VPS53: variants seen among roughly 807,000 people sequenced by gnomAD.
VPS53 encodes vacuolar protein sorting-associated protein 53 homolog.
A neutral mutation model predicts 107.0 loss-of-function variants in VPS53; 70 were observed. The observed-to-expected ratio is 0.65, with a 90% CI of 0.54 to 0.80. VPS53 has a LOEUF of 0.80. Ranked by LOEUF, VPS53 falls within the 30% of genes least tolerant of loss-of-function variation. The probability of loss-of-function intolerance (pLI) is 0.00; values close to 1 mark genes in which losing one functional copy is unlikely to be tolerated. For missense variants in VPS53, 917 were observed against 1,049.4 expected (o/e 0.87, Z 1.74); for synonymous variants, 409 against 393.3 (o/e 1.04, Z -0.47).
intron 5 of VPS53, among the ~76,000 whole-genome samples, chr17:658,646 C>A (rs926436432): frequency 6.8e-6 from 1 of 147,116 alleles, no homozygotes; most frequent in Non-Finnish European, 1.5e-5. Context: ...AAGTGAGATA[C>A]TCGGCCGTGA....
chr17:653,888 G>T (rs1472671397), intron 6 of VPS53, among the ~76,000 whole-genome samples: 1 of 152,340 alleles, frequency 6.6e-6, no homozygotes, highest in East Asian at 1.9e-4. Flanking sequence ...CAGGCGCGGT[G>T]GCTCAGCCTG....
chr17:677,137 G>GT (rs1205414108), intron 4 of VPS53, among the ~76,000 whole-genome samples: 1 of 152,108 alleles, frequency 6.6e-6, no homozygotes, highest in Admixed American at 6.6e-5. Context: ...ACTCAAACAG[G>GT]TATTTGTATG....
At chr17:657,269 G>A (rs1952755753) in intron 5 of VPS53, 1 of 888,894 alleles carries the variant, frequency 1.1e-6, no homozygotes, top group Non-Finnish European at 1.8e-6. Context: ...TGGTGTCACG[G>A]ATCAGATGGA....
chr17:544,896 A>G (rs1452699946), intron 17 of VPS53, among the ~76,000 whole-genome samples: 2 of 152,122 alleles, frequency 1.3e-5, no homozygotes, highest in Non-Finnish European at 2.9e-5. Flanking sequence ...CCTGGGCAAC[A>G]TAGCAAGACC....
chr17:610,846 G>A (rs1336191302), intron 11 of VPS53, among the ~76,000 whole-genome samples: 4 of 150,882 alleles, frequency 2.7e-5, no homozygotes, highest in Non-Finnish European at 4.4e-5. Flanking sequence ...ACTGAGGTCC[G>A]AGAATTGCTT....
At chr17:580,716 A>C (rs180711972) in intron 13 of VPS53, among the ~76,000 whole-genome samples, 29 of 150,706 alleles carry the variant, frequency 1.9e-4, no homozygotes, top group Non-Finnish European at 4.1e-4. Context: ...CTCAGAATCT[A>C]ATGCGTTCGC....
chr17:535,721 C>T (rs1012000448), intron 18 of VPS53, among the ~76,000 whole-genome samples: 2 of 152,276 alleles, frequency 1.3e-5, no homozygotes, highest in East Asian at 3.9e-4. Context: ...TAATGAGCAC[C>T]CAGAGAGTGA....
intron 19 of VPS53, chr17:522,789 A>G (rs901620920): frequency 6.6e-6 from 1 of 152,226 alleles, no homozygotes; most frequent in African/African-American, 2.4e-5. Flanking sequence ...ATAGTCCTAA[A>G]GGCTCACTGA....
intron 7 of VPS53, among the ~76,000 whole-genome samples, chr17:635,281 A>G (rs545433612): frequency 6.6e-6 from 1 of 152,298 alleles, no homozygotes; most frequent in African/African-American, 2.4e-5. Flanking sequence ...AGTTATTTAT[A>G]GATTCTGGAT....
In VPS53 at chr17:519,497, G is replaced by A. The variant is rs769841353; in HGVS notation, c.2329-199C>T. Among the ~76,000 whole-genome samples the A allele has an allele frequency of 5.3e-5, 8 of 152,192 alleles. No homozygotes were observed. Among genetic ancestry groups the A allele is most frequent in the Non-Finnish European group, 5.9e-5 (4 of 68,036 alleles). The stretch of plus-strand genomic sequence containing the variant: ...GGAGGAAAAGAGAGGGGAAGAAAAG[G>A]TAAAGGAAGGGAAAGAAGCGGCTGA... On this transcript the variant is annotated intron_variant, in intron 21 of 21. Coordinates refer to ENST00000437048, the MANE Select transcript of VPS53 (RefSeq NM_001128159.3). The surrounding 1 kb of genome is among the most constrained non-coding windows in gnomAD (Gnocchi z 5.0).
chr17:648,798 A>G (rs1970812590), intron 7 of VPS53, among the ~76,000 whole-genome samples: 1 of 138,302 alleles, frequency 7.2e-6, no homozygotes, highest in African/African-American at 2.6e-5. Flanking sequence ...GGACAGAGGA[A>G]TGGAACAGGT....
chr17:583,305 C>G (rs1251804140), intron 13 of VPS53, among the ~76,000 whole-genome samples: 1 of 148,044 alleles, frequency 6.8e-6, no homozygotes, highest in Non-Finnish European at 1.5e-5. Flanking sequence ...CCCAGAGAAC[C>G]TCCCTGAGGA....
At chr17:651,133 T>C (rs1233676988) in intron 7 of VPS53, among the ~76,000 whole-genome samples, 1 of 152,164 alleles carries the variant, frequency 6.6e-6, no homozygotes, top group Non-Finnish European at 1.5e-5. Flanking sequence ...TACAGATTTA[T>C]GTAAATACAC....
At chr17:547,393 A>G (rs1319743523) in intron 17 of VPS53, among the ~76,000 whole-genome samples, 3 of 152,150 alleles carry the variant, frequency 2.0e-5, no homozygotes, top group African/African-American at 7.2e-5. Context: ...TGCCCTGAAA[A>G]CACTACGCTA....
intron 13 of VPS53, among the ~76,000 whole-genome samples, chr17:580,955 T>C (rs1387579079): frequency 6.6e-6 from 1 of 150,584 alleles, no homozygotes; most frequent in Non-Finnish European, 1.5e-5. Flanking sequence ...CCAGAGAACC[T>C]CCCACAGAAC....
chr17:632,872 A>C (rs894791261), intron 7 of VPS53: 1 of 423,926 alleles, frequency 2.4e-6, no homozygotes, highest in Middle Eastern at 3.4e-4. Flanking sequence ...AAGCTCGTTA[A>C]GTTTTTAAAC....
intron 5 of VPS53, among the ~76,000 whole-genome samples, chr17:658,215 C>G (rs1971282078): frequency 4.8e-5 from 4 of 83,438 alleles, no homozygotes; most frequent in Admixed American, 4.4e-4. Context: ...TAGATACATC[C>G]CATTGAAGTG....
At chr17:712,818 T>C (rs1490418629) in intron 1 of VPS53, among the ~76,000 whole-genome samples, 1 of 152,122 alleles carries the variant, frequency 6.6e-6, no homozygotes. Context: ...ATAGCAAAAA[T>C]GTGCTTTTCT....
In VPS53 at chr17:520,039, A is replaced by G. The variant is rs1016509896; in HGVS notation, c.2224-109T>C. ...ACTACCCACCGCAGGAGGAGACGGG[A>G]GCGGGCCCTTCAGGAAAACTCACTC... On this transcript the variant is annotated intron_variant, in intron 20 of 21. Transcript: ENST00000437048. This position sits in a 1 kb window ranked among gnomAD's most constrained non-coding sequence, Gnocchi z 4.4. 1.4e-6 allele frequency: 1 copy of G among 723,370 alleles called. No individual in the cohort carries two copies. Among genetic ancestry groups the G allele is most frequent in the Admixed American group, 2.5e-5 (1 of 39,358 alleles). 44.8% of individuals were successfully genotyped at this position (723,370 alleles called of 1,614,324 possible).
Sources: allele counts gnomAD v4.1 joint callset (sites outside exome capture counted in the v4.1 genomes callset), GRCh38; gene constraint gnomAD v4.1.1; non-coding constraint Gnocchi (gnomAD v3.1); transcripts MANE v1.5; gene names NCBI Gene and HGNC (gene_info 2026-07-23, HGNC 2026-07-21).